Variants in PTK7 observed in about 807,000 individuals in gnomAD.
The protein encoded by PTK7 is protein tyrosine kinase 7 (inactive).
In PTK7, 39 loss-of-function variants were observed where a neutral mutation model predicts 116.6. The ratio of observed to expected loss-of-function variants is 0.33; its 90% confidence interval spans 0.26 to 0.44. The LOEUF (loss-of-function observed/expected upper bound fraction) is 0.44. Among genes scored for constraint, PTK7 ranks in the 20% least tolerant of loss-of-function variants. The pLI is 1.00. For synonymous variants in PTK7, 546 were observed against 563.6 expected (o/e 0.97, Z 0.44); for missense variants, 1,169 against 1,425.6 (o/e 0.82, Z 2.90).
At position 43,130,507 on chromosome 6, in the gene PTK7, C is replaced by T. The variant is rs748504222; in HGVS notation, c.662-4C>T. ...TGCATGCTCCCCCATCTTTCCCTCT[C>T]CAGATGAAAGCTTTGCCAGGGTGGT... is the stretch of plus-strand genomic sequence containing the variant. On this transcript the variant is annotated splice_region_variant and splice_polypyrimidine_tract_variant and intron_variant, in intron 4 of 19. Coordinates refer to ENST00000230419, the MANE Select transcript of PTK7 (RefSeq NM_002821.5). The T allele has an allele frequency of 1.9e-6, 3 of 1,613,510 alleles. No homozygotes were observed. The South Asian group carries it at 3.3e-5, about 18-fold the overall frequency.
In PTK7 at chr6:43,119,176, C is replaced by T. The variant is rs377397867; in HGVS notation, c.80-9801C>T. Among the ~76,000 whole-genome samples the T allele has an allele frequency of 5.1e-4, 77 of 152,040 alleles. No homozygotes were observed. In the East Asian group the frequency reaches 6.6e-3, roughly 13 times the overall value. ...TTGGGTGCAGGCAGGGTGTAAAGGG[C>T]GTCCTCCTCACCACCAGGAATTTGG... On this transcript the variant is annotated intron_variant, in intron 1 of 19. Transcript: ENST00000230419.
chr6:43,154,431 T>C (rs1238264491), intron 17 of PTK7, among the ~76,000 whole-genome samples: 4 of 152,190 alleles, frequency 2.6e-5, no homozygotes, highest in Admixed American at 2.6e-4. Flanking sequence ...AAAAAACTTT[T>C]TGACTGGGCA....
chr6:43,093,054 A>AG (rs1196067123), intron 1 of PTK7, among the ~76,000 whole-genome samples: 1 of 151,994 alleles, frequency 6.6e-6, no homozygotes, highest in Non-Finnish European at 1.5e-5. Context: ...TGCTGATGGC[A>AG]GGGGGGCGGG....
At chr6:43,096,953 C>T (rs1767295694) in intron 1 of PTK7, among the ~76,000 whole-genome samples, 1 of 52,892 alleles carries the variant, frequency 1.9e-5, no homozygotes, top group Non-Finnish European at 3.7e-5. Flanking sequence ...ATTAAGAATT[C>T]TTGGGGCCGT....
At position 43,129,834 on chromosome 6, in the gene PTK7, G is replaced by A; in HGVS notation, c.470+5G>A. On this transcript the variant is annotated splice_donor_5th_base_variant and intron_variant, in intron 3 of 19. Transcript: ENST00000230419. This position sits in a 1 kb window ranked among gnomAD's most constrained non-coding sequence, Gnocchi z 4.5. ...CCACATTGATGGGCACCCTCGGTAA[G>A]GAGTCAGGGAGGTGGGGATGAAGAG... The A allele has an allele frequency of 6.2e-7, 1 of 1,613,062 alleles. No individual in the cohort carries two copies. The highest frequency in any genetic ancestry group is 8.5e-7 in the Non-Finnish European group (1 of 1,179,104).
Position 43,160,918 on chromosome 6 carries a change from G to A in PTK7, c.*37G>A, listed in dbSNP as rs1166382994. 4.4e-6 allele frequency: 7 copies of A among 1,606,326 alleles called. No homozygotes were observed. The highest frequency in any genetic ancestry group is 5.9e-6 in the Non-Finnish European group (7 of 1,177,318). On this transcript the variant is annotated 3_prime_UTR_variant, in exon 20 of 20. Transcript: ENST00000230419. ...GCTCAGGATGGCCTGGGCAGGGGAG[G>A]ACATCTCTAGAGGGAAGCTCACAGC... is the stretch of plus-strand genomic sequence containing the variant.
rs747861117 is a variant in PTK7, at chr6:43,143,498, G to T, written c.2129G>T (p.Gly710Val). 6.2e-7 allele frequency: 1 copy of T among 1,613,706 alleles called. No individual in the cohort carries two copies. Among genetic ancestry groups the T allele is most frequent in the Non-Finnish European group, 8.5e-7 (1 of 1,179,920 alleles). The change falls in exon 14 of 20, where the codon GGT becomes GTT. Residue 710 changes from glycine to valine, a missense_variant. Transcript: ENST00000230419. The surrounding 1 kb of genome is among the most constrained non-coding windows in gnomAD (Gnocchi z 4.2). ...KMIQTIGLSV[G>V]AAVAYIIAVL... ...ATCCAGACCATTGGGTTGTCGGTGG[G>T]TGCCGCTGTGGCCTACATCATTGCC...
chr6:43,139,386 C>T lies in PTK7; in HGVS notation c.1499-20C>T. On this transcript the variant is annotated intron_variant, in intron 9 of 19. Coordinates refer to ENST00000230419, the MANE Select transcript of PTK7 (RefSeq NM_002821.5). The surrounding 1 kb of genome is among the most constrained non-coding windows in gnomAD (Gnocchi z 4.6). ...GCGGCCCCAATTCCTCGTCTTTCTA[C>T]CCACCCTCTGCTGAAACAGAAAAGC... The T allele has an allele frequency of 6.2e-7, 1 of 1,614,150 alleles. No homozygotes were observed. Among genetic ancestry groups the T allele is most frequent in the Non-Finnish European group, 8.5e-7 (1 of 1,179,996 alleles).
In PTK7 at chr6:43,144,448, C is replaced by G; in HGVS notation, c.2252-3C>G. The G allele has an allele frequency of 6.2e-7, 1 of 1,614,136 alleles. No individual in the cohort carries two copies. The highest frequency in any genetic ancestry group is 1.7e-5 in the Admixed American group (1 of 60,026). ...GTGACGCTCTTGTCCTCCTCCTTCCCAGGTGGGCCTTTGCAGAACGGGCAG... is the reference window on the plus strand; with the variant it reads ...GTGACGCTCTTGTCCTCCTCCTTCCGAGGTGGGCCTTTGCAGAACGGGCAG... On this transcript the variant is annotated splice_region_variant and splice_polypyrimidine_tract_variant and intron_variant, in intron 14 of 19. Coordinates refer to ENST00000230419, the MANE Select transcript of PTK7 (RefSeq NM_002821.5).
At chr6:43,105,716 GC>G (rs767059837) in intron 1 of PTK7, among the ~76,000 whole-genome samples, 3 of 152,130 alleles carry the variant, frequency 2.0e-5, no homozygotes, top group Admixed American at 6.5e-5. Flanking sequence ...GATAGCGAAG[GC>G]TGAGGTTGGA....
intron 7 of PTK7, among the ~76,000 whole-genome samples, chr6:43,136,087 C>T (rs535790128): frequency 1.8e-4 from 27 of 152,174 alleles, no homozygotes; most frequent in Non-Finnish European, 3.4e-4. Context: ...ACTCAGGAGG[C>T]GGAGGTTGCA....
chr6:43,093,764 G>A (rs924274209), intron 1 of PTK7, among the ~76,000 whole-genome samples: 4 of 152,164 alleles, frequency 2.6e-5, no homozygotes, highest in Non-Finnish European at 4.4e-5. Flanking sequence ...GCAAAGCAAA[G>A]AAAGAATGAA....
At position 43,076,634 on chromosome 6, in the gene PTK7, G is replaced by T. The variant is rs531882520; in HGVS notation, c.79+67G>T. The T allele has an allele frequency of 1.1e-5, 16 of 1,496,464 alleles. No individual in the cohort carries two copies. Among genetic ancestry groups the T allele is most frequent in the Non-Finnish European group, 1.4e-5 (16 of 1,118,814 alleles). 92.7% of individuals were successfully genotyped at this position (1,496,464 alleles called of 1,614,324 possible). ...GGGAGTCCCGTGGGCAAAAGGCTGC[G>T]CCCGGGGCGGTGGGTTTGGGCGGCT... On this transcript the variant is annotated intron_variant, in intron 1 of 19. Coordinates refer to ENST00000230419, the MANE Select transcript of PTK7 (RefSeq NM_002821.5). The surrounding 1 kb of genome is among the most constrained non-coding windows in gnomAD (Gnocchi z 5.7).
intron 7 of PTK7, chr6:43,133,591 C>G (rs1769843445): frequency 6.6e-6 from 1 of 152,016 alleles, no homozygotes; most frequent in Admixed American, 6.6e-5. Context: ...ACAAAACAAA[C>G]CTTATATCCT....
At chr6:43,100,395 A>G (rs939141744) in intron 1 of PTK7, among the ~76,000 whole-genome samples, 12 of 149,498 alleles carry the variant, frequency 8.0e-5, no homozygotes, top group Non-Finnish European at 1.2e-4. Context: ...AAAAAAAAAA[A>G]AATCATTAGG....
chr6:43,115,247 A>G (rs1385782408), intron 1 of PTK7, among the ~76,000 whole-genome samples: 1 of 152,142 alleles, frequency 6.6e-6, no homozygotes, highest in African/African-American at 2.4e-5. Context: ...AAATAAAGGA[A>G]CAATCATTAG....
chr6:43,160,132 T>C lies in PTK7; in HGVS notation c.3052+166T>C, dbSNP rs543486949. On this transcript the variant is annotated intron_variant, in intron 19 of 19. Coordinates refer to ENST00000230419, the MANE Select transcript of PTK7 (RefSeq NM_002821.5). ...AATACTGCAATACTTTGTTTTTCTT[T>C]TGAGACGGAGTGTCGCCCTGTCGCC... 17 of 768,670 alleles carry C rather than the reference T, an allele frequency of 2.2e-5. No individual in the cohort carries two copies. The African/African-American group carries it at 2.8e-4, about 13-fold the overall frequency. The allele number at this position is 768,670 out of a possible 1,614,324, so 47.6% of individuals were successfully genotyped here.
Position 43,129,878 on chromosome 6 carries a change from T to C in PTK7, c.470+49T>C. 6.4e-7 allele frequency: 1 copy of C among 1,558,762 alleles called. No individual in the cohort carries two copies. Among genetic ancestry groups the C allele is most frequent in the Non-Finnish European group, 8.8e-7 (1 of 1,131,198 alleles). On this transcript the variant is annotated intron_variant, in intron 3 of 19. Transcript: ENST00000230419. This position sits in a 1 kb window ranked among gnomAD's most constrained non-coding sequence, Gnocchi z 4.5. ...TGAAGAGGGTTATTCCGGACAGGGA[T>C]GTCTCCCCAAATCTTGGACTCTATG... is the stretch of plus-strand genomic sequence containing the variant.
At chr6:43,117,755 T>C (rs1394142562) in intron 1 of PTK7, among the ~76,000 whole-genome samples, 1 of 151,916 alleles carries the variant, frequency 6.6e-6, no homozygotes, top group Non-Finnish European at 1.5e-5. Context: ...GCCAACATGG[T>C]GAAACCCTGT....
Sources: gnomAD v4.1 joint callset for allele counts (sites outside exome capture counted in the v4.1 genomes callset) on GRCh38, gnomAD v4.1.1 for gene constraint, Gnocchi (gnomAD v3.1) non-coding constraint, MANE v1.5 for transcripts, NCBI Gene and HGNC (gene_info 2026-07-23, HGNC 2026-07-21) for gene names.